Variants in XYLB observed in about 807,000 individuals in gnomAD.
XYLB encodes the protein xylulose kinase.
Under a neutral mutation model 78.7 loss-of-function variants are expected in XYLB, and 62 were observed. That is an observed-to-expected ratio of 0.79 (90% CI 0.64 to 0.97). XYLB has a LOEUF of 0.97. XYLB is among the 50% of genes least tolerant of loss of function. The pLI, the probability that XYLB is intolerant of heterozygous loss-of-function variation, is 0.00. For synonymous variants in XYLB, 245 were observed against 247.4 expected (o/e 0.99, Z 0.09); for missense variants, 687 against 676.8 (o/e 1.02, Z -0.17).
At chr3:38,367,541 T>C (rs1051448609) in intron 7 of XYLB, among the ~76,000 whole-genome samples, 4 of 152,242 alleles carry the variant, frequency 2.6e-5, no homozygotes, top group Admixed American at 6.5e-5. Context: ...TAGCCATTAA[T>C]GTAGGCTTTG....
downstream of XYLB, among the ~76,000 whole-genome samples, chr3:38,424,399 T>C (rs1709060444): frequency 6.6e-6 from 1 of 152,248 alleles, no homozygotes; most frequent in African/African-American, 2.4e-5. Flanking sequence ...AAAAAGCCTT[T>C]ATAAATAGTC....
chr3:38,408,656 A>C (rs1419493343), intron 18 of XYLB, among the ~76,000 whole-genome samples: 15 of 150,974 alleles, frequency 9.9e-5, no homozygotes, highest in African/African-American at 3.6e-4. Flanking sequence ...AATAAAGAAG[A>C]AAAGAGAGAA....
the XYLB span, among the ~76,000 whole-genome samples, chr3:38,445,770 AC>A: frequency 6.6e-6 from 1 of 152,194 alleles, no homozygotes; most frequent in African/African-American, 2.4e-5. Flanking sequence ...AAAGCCTGAC[AC>A]CCATGTCTTT....
At chr3:38,350,268 T>A (rs1247191560) in intron 2 of XYLB, among the ~76,000 whole-genome samples, 1 of 152,264 alleles carries the variant, frequency 6.6e-6, no homozygotes, top group Non-Finnish European at 1.5e-5. Context: ...TCTCACATTT[T>A]TTATTATTGC....
At chr3:38,435,267 T>C in the XYLB span, among the ~76,000 whole-genome samples, 1 of 151,940 alleles carries the variant, frequency 6.6e-6, no homozygotes, top group African/African-American at 2.4e-5. Context: ...AAACCAAAAG[T>C]GAGCAGGAGT....
chr3:38,432,604 C>T, the XYLB span, among the ~76,000 whole-genome samples: 2 of 152,120 alleles, frequency 1.3e-5, no homozygotes, highest in Admixed American at 6.5e-5. Context: ...GAGGTACAGG[C>T]ATTGGGTAAA....
intron 16 of XYLB, among the ~76,000 whole-genome samples, 181 bp from the exon 17 acceptor site, chr3:38,396,891 T>C (rs1300579885): frequency 6.6e-6 from 1 of 152,110 alleles, no homozygotes; most frequent in African/African-American, 2.4e-5. Context: ...TTCCCCCAGC[T>C]CATCCTGACT....
At chr3:38,416,114 G>C (rs547628872), downstream of XYLB, among the ~76,000 whole-genome samples, 1 of 152,232 alleles carries the variant, frequency 6.6e-6, no homozygotes, top group South Asian at 2.1e-4. Flanking sequence ...GATGAGATTT[G>C]GGTGGGGACA....
At chr3:38,370,621 G>C (rs196384) in intron 9 of XYLB, among the ~76,000 whole-genome samples, 1 of 152,200 alleles carries the variant, frequency 6.6e-6, no homozygotes, top group African/African-American at 2.4e-5. Flanking sequence ...GGTTCTATCA[G>C]CTTTGTGACT....
chr3:38,365,080 T>C, intron 4 of XYLB, 119 bp from the exon 5 acceptor site: 1 of 804,210 alleles, frequency 1.2e-6, no homozygotes, highest in Middle Eastern at 2.7e-4. Flanking sequence ...GACTAAGAAG[T>C]GGCAGGGGCA....
chr3:38,430,206 C>T, the XYLB span, among the ~76,000 whole-genome samples: 1 of 152,200 alleles, frequency 6.6e-6, no homozygotes, highest in Non-Finnish European at 1.5e-5. Flanking sequence ...TCTACATCCT[C>T]TCCAGCATCT....
rs536673952 is a variant in XYLB, at chr3:38,370,595, C to T, written c.765+421C>T. Reference sequence around the variant, plus strand: ...CAGCACAGGCCCTGGCACTGGACAGCATGGGACTGAATTCTGGTTCTATCA... The same window carrying T: ...CAGCACAGGCCCTGGCACTGGACAGTATGGGACTGAATTCTGGTTCTATCA... On this transcript the variant is annotated intron_variant, in intron 9 of 18. Transcript: ENST00000207870. 7.2e-5 allele frequency among the ~76,000 whole-genome samples: 11 copies of T among 152,294 alleles called. No individual in the cohort carries two copies. In the South Asian group the frequency reaches 1.2e-3, roughly 17 times the overall value.
At chr3:38,364,427 T>C (rs529500766) in intron 4 of XYLB, among the ~76,000 whole-genome samples, 41 of 152,040 alleles carry the variant, frequency 2.7e-4, no homozygotes, top group African/African-American at 9.7e-4. Context: ...CCCCTGGTAA[T>C]CCAGGGTTCC....
chr3:38,413,083 A>G lies in XYLB; in HGVS notation c.*70A>G. 1.4e-6 allele frequency: 2 copies of G among 1,445,624 alleles called. No homozygotes were observed. Among genetic ancestry groups the G allele is most frequent in the Non-Finnish European group, 1.9e-6 (2 of 1,067,004 alleles). 89.5% of individuals were successfully genotyped at this position (1,445,624 alleles called of 1,614,324 possible). A position where few individuals can be genotyped will look rare whatever the true frequency, so the allele number is the denominator to read the frequency against. Reference sequence around the variant, plus strand: ...ATTTGTCGACATGGCCCCAGACAGGAGGGATCCACTTCTCTGTTCTGAACA... The same window carrying G: ...ATTTGTCGACATGGCCCCAGACAGGGGGGATCCACTTCTCTGTTCTGAACA... On this transcript the variant is annotated 3_prime_UTR_variant, in exon 19 of 19. Transcript: ENST00000207870.
chr3:38,419,603 T>TATATATATATA (rs71085322), downstream of XYLB, among the ~76,000 whole-genome samples: 3 of 80,882 alleles, frequency 3.7e-5, no homozygotes, highest in South Asian at 4.8e-4. Flanking sequence ...TATATATATA[T>TATATATATATA]AATAGCCATC....
chr3:38,368,627 G>A (rs1323398985), intron 8 of XYLB, among the ~76,000 whole-genome samples: 1 of 152,180 alleles, frequency 6.6e-6, no homozygotes, highest in African/African-American at 2.4e-5. Context: ...CATGACTACA[G>A]GCAAGAGGCC....
At chr3:38,417,630 G>A (rs1015930374), downstream of XYLB, among the ~76,000 whole-genome samples, 12 of 151,896 alleles carry the variant, frequency 7.9e-5, no homozygotes, top group African/African-American at 2.9e-4. Flanking sequence ...GCCTGTAATC[G>A]CAGCACTTTG....
intron 18 of XYLB, among the ~76,000 whole-genome samples, chr3:38,411,975 A>T (rs1251707095): frequency 1.4e-5 from 2 of 145,344 alleles, no homozygotes; most frequent in Admixed American, 7.0e-5. Context: ...TATGATGTGG[A>T]TCTCAACTCT....
chr3:38,439,110 C>T, the XYLB span, among the ~76,000 whole-genome samples: 1 of 152,146 alleles, frequency 6.6e-6, no homozygotes, highest in Non-Finnish European at 1.5e-5. Context: ...CTCTCAATCT[C>T]CCCTCTAAAC....
Sources: gnomAD v4.1 joint callset for allele counts (sites outside exome capture counted in the v4.1 genomes callset) on GRCh38, gnomAD v4.1.1 for gene constraint, MANE v1.5 for transcripts, NCBI Gene and HGNC (gene_info 2026-07-23, HGNC 2026-07-21) for gene names.